The following EXT2 variants were observed in gnomAD, a reference collection of about 807,000 sequenced individuals.
EXT2 encodes exostosin glycosyltransferase 2.
EXT2 carries 53 observed loss-of-function variants against 81.6 expected under a neutral mutation model. That is an observed-to-expected ratio of 0.65 (90% CI 0.52 to 0.82). EXT2 has a LOEUF of 0.82. EXT2 is among the 40% of genes least tolerant of loss of function. The pLI, the probability that EXT2 is intolerant of heterozygous loss-of-function variation, is 0.00. For missense variants in EXT2, 774 were observed against 910.2 expected, an observed-to-expected ratio of 0.85 and a Z score of 1.93; for synonymous variants, 320 against 340.0, an observed-to-expected ratio of 0.94 and a Z score of 0.65.
chr11:44,211,148 A>G (rs908352530), intron 10 of EXT2, among the ~76,000 whole-genome samples: 1 of 152,236 alleles, frequency 6.6e-6, no homozygotes, highest in Non-Finnish European at 1.5e-5. Context: ...GAAATGGACC[A>G]CACATGTATG....
chr11:44,182,121 A>G (rs950309348), intron 8 of EXT2, among the ~76,000 whole-genome samples: 1 of 152,150 alleles, frequency 6.6e-6, no homozygotes, highest in Admixed American at 6.5e-5. Flanking sequence ...CTCATCCTTC[A>G]TCCTACAGAT....
At chr11:44,223,492 T>C (rs1363809459) in intron 10 of EXT2, among the ~76,000 whole-genome samples, 1 of 152,098 alleles carries the variant, frequency 6.6e-6, no homozygotes, top group African/African-American at 2.4e-5. Context: ...CTTGGATGAT[T>C]CTCCAGGGAA....
intron 7 of EXT2, among the ~76,000 whole-genome samples, chr11:44,159,346 C>CTT (rs142006509): frequency 4.0e-5 from 6 of 150,368 alleles, no homozygotes. Flanking sequence ...TTTCTTCAGT[C>CTT]TTTTTTTTTC....
intron 8 of EXT2, among the ~76,000 whole-genome samples, chr11:44,183,227 A>G (rs1205183559): frequency 6.6e-6 from 1 of 152,138 alleles, no homozygotes; most frequent in Non-Finnish European, 1.5e-5. Flanking sequence ...CCAAGTTACT[A>G]CTTTTCCTTT....
At chr11:44,176,182 C>G (rs897871168) in intron 8 of EXT2, among the ~76,000 whole-genome samples, 2 of 152,142 alleles carry the variant, frequency 1.3e-5, no homozygotes, top group Non-Finnish European at 2.9e-5. Context: ...AGAATTCTGT[C>G]TGGTCATGAC....
Position 44,250,326 on chromosome 11 carries a change from T to C in EXT2, c.*6039T>C, listed in dbSNP as rs566070001. 2.6e-5 allele frequency among the ~76,000 whole-genome samples: 4 copies of C among 152,350 alleles called. No homozygotes were observed. The South Asian group carries it at 8.3e-4, about 32-fold the overall frequency. On this transcript the variant is annotated 3_prime_UTR_variant, in exon 14 of 14. Transcript: ENST00000533608. ...GGATGCAAGAAGCTTTAAAATGTCC[T>C]TTTCTCACAGTGACTTCCCTTGACC... is the stretch of plus-strand genomic sequence containing the variant.
In EXT2 at chr11:44,218,347, A is replaced by G. The variant is rs77935010; in HGVS notation, c.1662+11388A>G. Reference sequence around the variant, plus strand: ...GTGGTAGTACAGGGGACCCATCATCATAGCGGTGTGGCAGAGTAGGAATTT... The same window carrying G: ...GTGGTAGTACAGGGGACCCATCATCGTAGCGGTGTGGCAGAGTAGGAATTT... On this transcript the variant is annotated intron_variant, in intron 10 of 13. Transcript: ENST00000533608. Among the ~76,000 whole-genome samples, 748 of 152,238 alleles carry G rather than the reference A, an allele frequency of 4.9e-3. 7 individuals are homozygous for G. Among genetic ancestry groups the G allele is most frequent in the African/African-American group, 0.017 (723 of 41,546 alleles).
At chr11:44,142,485 T>C (rs773775718) in intron 7 of EXT2, among the ~76,000 whole-genome samples, 2 of 152,254 alleles carry the variant, frequency 1.3e-5, no homozygotes, top group African/African-American at 4.8e-5. Context: ...AGGAGTTTAA[T>C]AGCAGGAAAA....
At chr11:44,159,419 G>A (rs1272452037) in intron 7 of EXT2, among the ~76,000 whole-genome samples, 1 of 151,806 alleles carries the variant, frequency 6.6e-6, no homozygotes, top group Non-Finnish European at 1.5e-5. Context: ...TATTTCCTCA[G>A]TTATATCCAG....
At chr11:44,154,641 T>A (rs1954834937) in intron 7 of EXT2, among the ~76,000 whole-genome samples, 2 of 152,160 alleles carry the variant, frequency 1.3e-5, no homozygotes, top group South Asian at 4.1e-4. Context: ...TTCCTTTCTT[T>A]TGATATATAT....
intron 10 of EXT2, among the ~76,000 whole-genome samples, chr11:44,219,497 AAAAT>A (rs942621713): frequency 1.3e-5 from 2 of 152,216 alleles, no homozygotes; most frequent in Non-Finnish European, 2.9e-5. Flanking sequence ...CTGTCTCAAA[AAAAT>A]AAATAATTAA....
intron 8 of EXT2, among the ~76,000 whole-genome samples, chr11:44,197,451 C>T (rs1372598931): frequency 1.3e-5 from 2 of 152,116 alleles, no homozygotes; most frequent in Admixed American, 6.5e-5. Context: ...TCAAAAATAT[C>T]GTAATAGGCC....
At chr11:44,130,766 G>C (rs145541344) in intron 7 of EXT2, among the ~76,000 whole-genome samples, 191 of 152,328 alleles carry the variant, frequency 1.3e-3, no homozygotes, top group Non-Finnish European at 8.5e-4. Flanking sequence ...AAGTTAAGAA[G>C]ACTATCCCAA....
intron 7 of EXT2, among the ~76,000 whole-genome samples, chr11:44,155,260 T>TTTTTGTACATGGTGAGA (rs1954842151): frequency 6.6e-6 from 1 of 152,156 alleles, no homozygotes. Context: ...TAATCCATTT[T>TTTTTGTACATGGTGAGA]GATTTGATTT....
intron 13 of EXT2, among the ~76,000 whole-genome samples, chr11:44,240,142 C>A (rs1956020373): frequency 6.6e-6 from 1 of 152,118 alleles, no homozygotes; most frequent in African/African-American, 2.4e-5. Context: ...AATCTACAAA[C>A]ATGGAACCCT....
intron 1 of EXT2, among the ~76,000 whole-genome samples, chr11:44,102,036 G>A (rs1308697465): frequency 6.6e-6 from 1 of 151,688 alleles, no homozygotes; most frequent in Non-Finnish European, 1.5e-5. Flanking sequence ...CTCCCCTTGT[G>A]TTCAGACATG....
chr11:44,243,875 AG>A (rs1956066187), intron 13 of EXT2, among the ~76,000 whole-genome samples: 1 of 152,066 alleles, frequency 6.6e-6, no homozygotes, highest in Non-Finnish European at 1.5e-5. Flanking sequence ...TGACCTTTGC[AG>A]GCCCGTGGCC....
intron 7 of EXT2, among the ~76,000 whole-genome samples, chr11:44,152,266 G>A (rs987689635): frequency 6.6e-6 from 1 of 152,088 alleles, no homozygotes; most frequent in East Asian, 1.9e-4. Flanking sequence ...TATATCTTTG[G>A]TATTGTACCT....
At chr11:44,124,444 TACACACACACACACACACAC>T (rs57261356) in intron 4 of EXT2, among the ~76,000 whole-genome samples, 1 of 144,940 alleles carries the variant, frequency 6.9e-6, no homozygotes, top group Non-Finnish European at 1.5e-5. Flanking sequence ...GTTTCTCTCC[TACACACACACACACACACAC>T]ACACACACAC....
Sources: gnomAD v4.1 joint callset for allele counts (sites outside exome capture counted in the v4.1 genomes callset) on GRCh38, gnomAD v4.1.1 for gene constraint, MANE v1.5 for transcripts, NCBI Gene and HGNC (gene_info 2026-07-23, HGNC 2026-07-21) for gene names.